LRRTM4: variants seen among roughly 807,000 people sequenced by gnomAD.
LRRTM4 encodes the protein leucine-rich repeat transmembrane neuronal protein 4.
LRRTM4 carries 25 observed loss-of-function variants against 47.6 expected under a neutral mutation model. That is an observed-to-expected ratio of 0.53 (90% CI 0.38 to 0.73). LRRTM4 has a LOEUF of 0.73. LRRTM4 is among the 30% of genes least tolerant of loss of function. The pLI, the probability that LRRTM4 is intolerant of heterozygous loss-of-function variation, is 0.00. For missense variants in LRRTM4, 638 were observed against 713.4 expected, an observed-to-expected ratio of 0.89 and a Z score of 1.20; for synonymous variants, 311 against 269.5, an observed-to-expected ratio of 1.15 and a Z score of -1.51.
chr2:76,810,869 C>G (rs74728498), intron 3 of LRRTM4, among the ~76,000 whole-genome samples: 4,597 of 152,196 alleles, frequency 0.03, 218 homozygotes, highest in African/African-American at 0.091. Flanking sequence ...AGTTATTACA[C>G]AACATTACAC....
At chr2:77,192,626 G>A (rs1174169943) in intron 3 of LRRTM4, among the ~76,000 whole-genome samples, 1 of 138,564 alleles carries the variant, frequency 7.2e-6, no homozygotes, top group Non-Finnish European at 1.6e-5. Context: ...ACTGTAGACT[G>A]CACAATTTCC....
chr2:76,942,674 A>ATGTGTGTGTGTGTGTGTGTGTGTGTG lies in LRRTM4; in HGVS notation c.1552-193759_1552-193758insCACACACACACACACACACACACACA, dbSNP rs750604219. ...TTGGTCAAGTAACCAACCTCTAGGA[A>ATGTGTGTGTGTGTGTGTGTGTGTGTG]TCTGTGTGTGTGTGTGTGTGTGTGT... On this transcript the variant is annotated intron_variant, in intron 3 of 3. Transcript: ENST00000409884. Among the ~76,000 whole-genome samples, 196 of 123,330 alleles carry ATGTGTGTGTGTGTGTGTGTGTGTGTG rather than the reference A, an allele frequency of 1.6e-3. 2 individuals carry two copies. The highest frequency in any genetic ancestry group is 6.1e-3 in the African/African-American group (190 of 31,330). The allele number at this position is 123,330 out of a possible 152,430, so 80.9% of individuals were successfully genotyped here.
At chr2:76,908,639 G>A (rs1384581329) in intron 3 of LRRTM4, among the ~76,000 whole-genome samples, 1 of 152,174 alleles carries the variant, frequency 6.6e-6, no homozygotes, top group Non-Finnish European at 1.5e-5. Context: ...AGCAACTTCA[G>A]CAAAGTTTCA....
chr2:77,453,906 T>C (rs1215496295), intron 3 of LRRTM4, among the ~76,000 whole-genome samples: 1 of 152,132 alleles, frequency 6.6e-6, no homozygotes, highest in Non-Finnish European at 1.5e-5. Flanking sequence ...ACTGGCCAAA[T>C]TTTTGTAATA....
At chr2:77,413,419 G>A (rs528248) in intron 3 of LRRTM4, among the ~76,000 whole-genome samples, 13,914 of 152,038 alleles carry the variant, frequency 0.092, 696 homozygotes, top group Non-Finnish European at 0.11. Flanking sequence ...CTCATCCTAC[G>A]CATTCCAAAC....
At chr2:77,256,663 C>T (rs2104027278) in intron 3 of LRRTM4, among the ~76,000 whole-genome samples, 1 of 152,268 alleles carries the variant, frequency 6.6e-6, no homozygotes, top group Non-Finnish European at 1.5e-5. Flanking sequence ...ATTGTGAGGC[C>T]TCCCGGCCAT....
At position 77,221,443 on chromosome 2, in the gene LRRTM4, G is replaced by A. The variant is rs576236867; in HGVS notation, c.1551+296875C>T. Among the ~76,000 whole-genome samples the A allele has an allele frequency of 2.1e-3, 315 of 152,276 alleles. 1 individual carries two copies. The highest frequency in any genetic ancestry group is 7.0e-3 in the African/African-American group (290 of 41,548). The stretch of plus-strand genomic sequence containing the variant: ...ATAAAGAGTCAAGACCCATCAGTGT[G>A]CTGTATTCAGGAAACCCATCTCACA... On this transcript the variant is annotated intron_variant, in intron 3 of 3. Coordinates refer to ENST00000409884, the MANE Select transcript of LRRTM4 (RefSeq NM_001134745.3).
At chr2:76,985,587 T>C (rs560711239) in intron 3 of LRRTM4, among the ~76,000 whole-genome samples, 3 of 152,062 alleles carry the variant, frequency 2.0e-5, no homozygotes, top group African/African-American at 7.2e-5. Flanking sequence ...GCTGAAAGGA[T>C]GTTAGTGAAA....
intron 3 of LRRTM4, among the ~76,000 whole-genome samples, chr2:77,516,447 G>T (rs1679210413): frequency 6.6e-6 from 1 of 151,722 alleles, no homozygotes; most frequent in South Asian, 2.1e-4. Context: ...TTTCTTCTTG[G>T]TGATTCTTAA....
At chr2:76,911,961 G>T (rs1426401034) in intron 3 of LRRTM4, among the ~76,000 whole-genome samples, 1 of 136,474 alleles carries the variant, frequency 7.3e-6, no homozygotes, top group Non-Finnish European at 1.6e-5. Context: ...ACAGAGTCTC[G>T]CTCTGTCGCC....
intron 3 of LRRTM4, among the ~76,000 whole-genome samples, chr2:77,510,712 AT>A (rs1306398498): frequency 5.3e-5 from 8 of 151,994 alleles, no homozygotes; most frequent in Admixed American, 3.9e-4. Flanking sequence ...AATATAGTGA[AT>A]TCTCTTAAGC....
intron 3 of LRRTM4, among the ~76,000 whole-genome samples, chr2:76,823,235 T>C (rs1363542632): frequency 6.6e-6 from 1 of 151,378 alleles, no homozygotes; most frequent in Non-Finnish European, 1.5e-5. Flanking sequence ...AAATTGAAGG[T>C]TACTTTCTAT....
chr2:77,428,490 C>T (rs968150855), intron 3 of LRRTM4, among the ~76,000 whole-genome samples: 3 of 152,118 alleles, frequency 2.0e-5, no homozygotes, highest in African/African-American at 7.2e-5. Flanking sequence ...GGCCCTGTTC[C>T]ATAATTTTAT....
intron 3 of LRRTM4, among the ~76,000 whole-genome samples, chr2:77,042,431 GTTA>G (rs1226995450): frequency 1.3e-5 from 2 of 151,484 alleles, no homozygotes; most frequent in Admixed American, 6.6e-5. Flanking sequence ...TTTTTAAAAA[GTTA>G]TTGAGATTAT....
chr2:76,840,585 T>G (rs540635715), intron 3 of LRRTM4, among the ~76,000 whole-genome samples: 8 of 151,832 alleles, frequency 5.3e-5, no homozygotes, highest in African/African-American at 1.7e-4. Flanking sequence ...ACAAACGAAG[T>G]CAAAAAGACT....
At chr2:77,285,472 T>G (rs1668243946) in intron 3 of LRRTM4, among the ~76,000 whole-genome samples, 1 of 151,502 alleles carries the variant, frequency 6.6e-6, no homozygotes, top group South Asian at 2.1e-4. Context: ...CCAGGTGCAG[T>G]GGCTCATGCC....
At position 77,064,587 on chromosome 2, in the gene LRRTM4, A is replaced by G. The variant is rs1011281294; in HGVS notation, c.1552-315671T>C. ...TTCTTCAGGCTAGAGAAGTATGTGC[A>G]TATCTTAGAAGGGCCCAGTTTATCA... On this transcript the variant is annotated intron_variant, in intron 3 of 3. Coordinates refer to ENST00000409884, the MANE Select transcript of LRRTM4 (RefSeq NM_001134745.3). 5.9e-5 allele frequency among the ~76,000 whole-genome samples: 9 copies of G among 152,318 alleles called. No homozygotes were observed. The East Asian group carries it at 1.4e-3, about 23-fold the overall frequency.
chr2:77,388,441 G>C (rs1673371997), intron 3 of LRRTM4, among the ~76,000 whole-genome samples: 1 of 152,116 alleles, frequency 6.6e-6, no homozygotes, highest in Non-Finnish European at 1.5e-5. Flanking sequence ...AAATCTGAGA[G>C]AGCTTCTCAC....
At chr2:76,885,526 G>C (rs375242249) in intron 3 of LRRTM4, among the ~76,000 whole-genome samples, 1 of 148,982 alleles carries the variant, frequency 6.7e-6, no homozygotes, top group Non-Finnish European at 1.5e-5. Flanking sequence ...GCAGTGGCGC[G>C]ATCTCGGCTC....
Sources: gnomAD v4.1 joint callset for allele counts (sites outside exome capture counted in the v4.1 genomes callset) on GRCh38, gnomAD v4.1.1 for gene constraint, MANE v1.5 for transcripts, NCBI Gene and HGNC (gene_info 2026-07-23, HGNC 2026-07-21) for gene names.